Variants in SPTBN1 observed in about 807,000 individuals in gnomAD.
SPTBN1 encodes the protein spectrin beta chain, non-erythrocytic 1.
In SPTBN1, 32 loss-of-function variants were observed where a neutral mutation model predicts 266.4. The observed-to-expected ratio is 0.12, with a 90% CI of 0.09 to 0.16. SPTBN1 has a LOEUF of 0.16. SPTBN1 is among the 10% of genes least tolerant of loss of function. The pLI, the probability that SPTBN1 is intolerant of heterozygous loss-of-function variation, is 1.00. For missense variants in SPTBN1, 2,296 were observed against 3,067.1 expected, an observed-to-expected ratio of 0.75 and a Z score of 5.94; for synonymous variants, 1,336 against 1,162.2, an observed-to-expected ratio of 1.15 and a Z score of -3.04.
intron 1 of SPTBN1, among the ~76,000 whole-genome samples, chr2:54,510,454 T>G (rs1669797714): frequency 6.6e-6 from 1 of 152,212 alleles, no homozygotes; most frequent in Admixed American, 6.5e-5. Context: ...CTACTGCTGG[T>G]GCCCAGCCCC....
chr2:54,665,308 C>T (rs949984031), intron 33 of SPTBN1, among the ~76,000 whole-genome samples: 6 of 152,314 alleles, frequency 3.9e-5, no homozygotes, highest in Non-Finnish European at 7.4e-5. Context: ...CTGCCATTCA[C>T]GTTGAGGACA....
At chr2:54,582,157 C>G (rs942545250) in intron 2 of SPTBN1, among the ~76,000 whole-genome samples, 1 of 152,196 alleles carries the variant, frequency 6.6e-6, no homozygotes, top group African/African-American at 2.4e-5. Context: ...TCACTTTGCT[C>G]AAATACATTA....
chr2:54,495,915 G>T (rs1453124945), intron 1 of SPTBN1, among the ~76,000 whole-genome samples: 1 of 152,016 alleles, frequency 6.6e-6, no homozygotes, highest in African/African-American at 2.4e-5. Flanking sequence ...ATTAACAGGT[G>T]CAGTTTCTTA....
intron 2 of SPTBN1, among the ~76,000 whole-genome samples, chr2:54,587,439 C>T (rs1322844727): frequency 2.0e-5 from 3 of 152,152 alleles, no homozygotes; most frequent in Non-Finnish European, 2.9e-5. Flanking sequence ...TTCGTGTTAA[C>T]GTTCTGCCAT....
intron 3 of SPTBN1, among the ~76,000 whole-genome samples, chr2:54,603,387 C>G (rs763318849): frequency 6.6e-6 from 1 of 152,196 alleles, no homozygotes; most frequent in African/African-American, 2.4e-5. Context: ...ACAGAGTACT[C>G]TCCTACTCTT....
intron 30 of SPTBN1, 55 bp downstream of exon 30, chr2:54,658,101 T>C (rs1438567618): frequency 9.4e-6 from 15 of 1,601,644 alleles, no homozygotes; most frequent in Non-Finnish European, 1.2e-5. Flanking sequence ...CTTTTCTTCC[T>C]GCTTGCCTCT....
intron 2 of SPTBN1, among the ~76,000 whole-genome samples, chr2:54,561,199 C>T (rs1013600610): frequency 6.6e-6 from 1 of 152,196 alleles, no homozygotes; most frequent in African/African-American, 2.4e-5. Context: ...GGCTCTAGTG[C>T]AGTGGCACAA....
At chr2:54,602,459 C>G (rs7591231) in intron 3 of SPTBN1, among the ~76,000 whole-genome samples, 43,762 of 152,070 alleles carry the variant, frequency 0.29, 7,329 homozygotes, top group African/African-American at 0.47. Flanking sequence ...TTAGATGCTC[C>G]CCATTGCCTG....
At chr2:54,526,781 G>A (rs1670843562) in intron 2 of SPTBN1, 1 of 458,090 alleles carries the variant, frequency 2.2e-6, no homozygotes, top group Non-Finnish European at 3.8e-6. Flanking sequence ...TCAGAGCACA[G>A]AGTGTTATTT....
At chr2:54,463,928 G>T (rs1346455044) in intron 1 of SPTBN1, among the ~76,000 whole-genome samples, 1 of 152,164 alleles carries the variant, frequency 6.6e-6, no homozygotes, top group African/African-American at 2.4e-5. Context: ...GATATGAGCA[G>T]ATAGTTTATA....
chr2:54,664,542 G>A lies in SPTBN1; in HGVS notation c.6510G>A (p.Pro2170=), dbSNP rs775970669. The part of the protein sequence containing the change: ...SSKESSPIPS[P]TSDRKAKTAL... ...AAGAGTCCAGCCCCATCCCCTCCCC[G>A]ACCTCTGATCGTAAAGCCAAGACTG... Residue 2170 remains proline (P), a synonymous_variant, in exon 33 of 36, where the codon CCG becomes CCA. Coordinates refer to ENST00000356805, the MANE Select transcript of SPTBN1 (RefSeq NM_003128.3). This position sits in a 1 kb window ranked among gnomAD's most constrained non-coding sequence, Gnocchi z 5.6. The A allele has an allele frequency of 4.5e-5, 72 of 1,613,942 alleles. No homozygotes were observed. The East Asian group carries it at 9.8e-4, about 22-fold the overall frequency.
At chr2:54,582,222 G>A (rs1035109528) in intron 2 of SPTBN1, among the ~76,000 whole-genome samples, 3 of 152,102 alleles carry the variant, frequency 2.0e-5, no homozygotes, top group Admixed American at 6.5e-5. Context: ...GTCTAAGAAA[G>A]CATTTTATTG....
intron 1 of SPTBN1, among the ~76,000 whole-genome samples, chr2:54,525,207 C>CGTG (rs1670728493): frequency 6.6e-6 from 1 of 151,658 alleles, no homozygotes; most frequent in Non-Finnish European, 1.5e-5. Flanking sequence ...TGAGCATCTA[C>CGTG]CATGCACTGG....
At chr2:54,475,840 C>T (rs1325904188) in intron 1 of SPTBN1, among the ~76,000 whole-genome samples, 1 of 152,136 alleles carries the variant, frequency 6.6e-6, no homozygotes, top group Non-Finnish European at 1.5e-5. Flanking sequence ...AAAGGCCTCA[C>T]CTCCACAAAC....
intron 2 of SPTBN1, among the ~76,000 whole-genome samples, chr2:54,584,495 C>G (rs1009633023): frequency 6.6e-6 from 1 of 152,072 alleles, no homozygotes; most frequent in African/African-American, 2.4e-5. Context: ...ATGTGAGTGT[C>G]CTAGTTTCTC....
At chr2:54,596,706 T>C (rs927877693) in intron 2 of SPTBN1, among the ~76,000 whole-genome samples, 19 of 152,202 alleles carry the variant, frequency 1.2e-4, no homozygotes, top group African/African-American at 4.1e-4. Context: ...CTTCCTCCTC[T>C]TCTTTCCTCC....
chr2:54,637,868 G>A, intron 18 of SPTBN1, 65 bp downstream of exon 18: 1 of 1,309,448 alleles, frequency 7.6e-7, no homozygotes, highest in South Asian at 1.3e-5. Context: ...CCAGCATTTA[G>A]CACAAGAGCC....
chr2:54,534,563 A>G (rs1671481274), intron 2 of SPTBN1, among the ~76,000 whole-genome samples: 2 of 152,178 alleles, frequency 1.3e-5, no homozygotes, highest in South Asian at 2.1e-4. Flanking sequence ...AATGGTTTCC[A>G]TGGTTTTCTC....
chr2:54,491,504 A>T (rs1172741166), intron 1 of SPTBN1, among the ~76,000 whole-genome samples: 1 of 152,228 alleles, frequency 6.6e-6, no homozygotes, highest in African/African-American at 2.4e-5. Context: ...TTTAAAGTAA[A>T]CTTTTGAATA....
Sources: allele counts gnomAD v4.1 joint callset (sites outside exome capture counted in the v4.1 genomes callset), GRCh38; gene constraint gnomAD v4.1.1; non-coding constraint Gnocchi (gnomAD v3.1); transcripts MANE v1.5; gene names NCBI Gene and HGNC (gene_info 2026-07-23, HGNC 2026-07-21).